The following BBOF1 variants were observed in gnomAD, a reference collection of about 807,000 sequenced individuals.
BBOF1 encodes basal body orientation factor 1.
In BBOF1, 62 loss-of-function variants were observed where a neutral mutation model predicts 68.0. That is an observed-to-expected ratio of 0.91 (90% CI 0.74 to 1.13). BBOF1 has a LOEUF of 1.13. Ranked by LOEUF, BBOF1 falls within the 50% of genes most tolerant of loss-of-function variation. The pLI is 0.00. For synonymous variants in BBOF1, 208 were observed against 198.8 expected (o/e 1.05, Z -0.39); for missense variants, 534 against 600.1 (o/e 0.89, Z 1.15).
downstream of BBOF1, chr14:74,068,891 G>A (rs1566831350): frequency 1.2e-6 from 2 of 1,614,004 alleles, no homozygotes; most frequent in Non-Finnish European, 1.7e-6. Context: ...GCCATGTCTT[G>A]ATCCTCTCTC....
intron 8 of BBOF1, among the ~76,000 whole-genome samples, chr14:74,051,863 C>T (rs1032866065): frequency 2.0e-5 from 3 of 151,588 alleles, no homozygotes; most frequent in Admixed American, 6.6e-5. Context: ...ATTACAGGCA[C>T]GAGCCACCAT....
intron 4 of BBOF1, among the ~76,000 whole-genome samples, 196 bp downstream of exon 4, chr14:74,034,367 G>A (rs2059648692): frequency 6.6e-6 from 1 of 152,158 alleles, no homozygotes; most frequent in African/African-American, 2.4e-5. Flanking sequence ...TCTAAGCATT[G>A]ATTTCCTTGG....
intron 5 of BBOF1, among the ~76,000 whole-genome samples, chr14:74,043,304 A>G (rs1488440358): frequency 2.0e-5 from 3 of 150,636 alleles, no homozygotes; most frequent in African/African-American, 7.3e-5. Context: ...TAATCCCAGC[A>G]CTTTGGGAGG....
At chr14:74,033,694 G>C (rs1016412282) in intron 3 of BBOF1, among the ~76,000 whole-genome samples, 3 of 152,126 alleles carry the variant, frequency 2.0e-5, no homozygotes, top group African/African-American at 7.2e-5. Context: ...GGCTAACATG[G>C]TGAAACACCG....
rs914079061 is a variant in BBOF1 at position 74,065,456 on chromosome 14, G to C, written c.*757G>C. On this transcript the variant is annotated 3_prime_UTR_variant, in exon 12 of 12. Transcript: ENST00000394009. ...CTTTCACTTACTACACATCATTTACGTGGACAACTTTCATATTACTAATCT... is the reference window on the plus strand; with the variant it reads ...CTTTCACTTACTACACATCATTTACCTGGACAACTTTCATATTACTAATCT... The C allele has an allele frequency of 3.6e-6, 4 of 1,117,804 alleles. No homozygotes were observed. The highest frequency in any genetic ancestry group is 1.3e-5 in the South Asian group (1 of 75,718). The allele number at this position is 1,117,804 out of a possible 1,614,324, so 69.2% of individuals were successfully genotyped here.
intron 3 of BBOF1, among the ~76,000 whole-genome samples, chr14:74,031,138 G>T (rs1445233386): frequency 6.7e-6 from 1 of 148,150 alleles, no homozygotes; most frequent in Non-Finnish European, 1.5e-5. Flanking sequence ...TTTTGAGACA[G>T]GGTCTCCCTC....
At chr14:74,025,090 C>A (rs2059395480) in intron 2 of BBOF1, among the ~76,000 whole-genome samples, 1 of 152,070 alleles carries the variant, frequency 6.6e-6, no homozygotes, top group Non-Finnish European at 1.5e-5. Context: ...TAAAATTACT[C>A]TTTTAATAGT....
intron 11 of BBOF1, among the ~76,000 whole-genome samples, chr14:74,064,310 A>T (rs1015669184): frequency 6.4e-5 from 9 of 140,246 alleles, no homozygotes; most frequent in Middle Eastern, 3.6e-3. Context: ...AAAAAAAAAA[A>T]ATAATAATAA....
intron 11 of BBOF1, chr14:74,060,708 A>G: frequency 6.2e-7 from 1 of 1,613,824 alleles, no homozygotes; most frequent in Non-Finnish European, 8.5e-7. Context: ...CTTTCCACTG[A>G]GAAGTAATGG....
Position 74,034,013 on chromosome 14 carries a change from C to CT in BBOF1, c.352-9dup, listed in dbSNP as rs780117998. The CT allele has an allele frequency of 3.2e-6, 5 of 1,576,984 alleles. No individual in the cohort carries two copies. The highest frequency in any genetic ancestry group is 4.3e-6 in the Non-Finnish European group (5 of 1,166,114). ...GTTCTTTTTCCTAACTCGTTTACCTCTTTTTTGAATACAGGAACAAAAGTA... is the reference window on the plus strand; with the variant it reads ...GTTCTTTTTCCTAACTCGTTTACCTCTTTTTTTGAATACAGGAACAAAAGTA... On this transcript the variant is annotated splice_polypyrimidine_tract_variant and intron_variant, in intron 3 of 11. Coordinates refer to ENST00000394009, the MANE Select transcript of BBOF1 (RefSeq NM_025057.3).
intron 10 of BBOF1, 31 bp downstream of exon 10, chr14:74,057,011 T>C: frequency 1.3e-6 from 2 of 1,593,016 alleles, no homozygotes; most frequent in South Asian, 1.1e-5. Flanking sequence ...GTAATAAACA[T>C]GAGCCCAACA....
intron 11 of BBOF1, chr14:74,060,583 G>T: frequency 2.5e-6 from 3 of 1,209,078 alleles, no homozygotes; most frequent in African/African-American, 1.5e-5. Flanking sequence ...GACAAATGAA[G>T]CTGGTCAAAA....
intron 8 of BBOF1, among the ~76,000 whole-genome samples, chr14:74,053,913 C>T (rs1222213267): frequency 6.6e-6 from 1 of 151,510 alleles, no homozygotes; most frequent in African/African-American, 2.4e-5. Context: ...TTCGCTCTGT[C>T]ACCCAGGCTG....
At chr14:74,080,105 T>G (rs932399693) in intron 10 of BBOF1, among the ~76,000 whole-genome samples, 6 of 152,170 alleles carry the variant, frequency 3.9e-5, no homozygotes, top group African/African-American at 1.4e-4. Flanking sequence ...CAGTTTGCTA[T>G]GCCTCCTATA....
chr14:74,028,778 G>T (rs1011298557), intron 2 of BBOF1, among the ~76,000 whole-genome samples: 1 of 151,200 alleles, frequency 6.6e-6, no homozygotes, highest in African/African-American at 2.4e-5. Flanking sequence ...ACGCCATCTC[G>T]GCTCACTGCA....
rs199899407 is a variant in BBOF1, at chr14:74,071,279, C to T, written n.1380-6917C>T. The T allele has an allele frequency of 1.5e-5, 24 of 1,614,034 alleles. No individual in the cohort carries two copies. The highest frequency in any genetic ancestry group is 1.9e-5 in the Non-Finnish European group (23 of 1,180,036). On this transcript the variant is annotated intron_variant and non_coding_transcript_variant, in intron 9 of 12. Coordinates refer to the BBOF1 transcript ENST00000492026. The stretch of plus-strand genomic sequence containing the variant: ...AACTTAGCAAGAAGCATAGTTGCTC[C>T]AGGGACTCGCTCAGATGGTTTCATT...
At position 74,065,813 on chromosome 14, in the gene BBOF1, C is replaced by T; in HGVS notation, c.*1114C>T. On this transcript the variant is annotated 3_prime_UTR_variant, in exon 12 of 12. Coordinates refer to ENST00000394009, the MANE Select transcript of BBOF1 (RefSeq NM_025057.3). ...AATCCATTCTTATTCACTCCTTTGC[C>T]TCCCAAATATGTCTGTATGTTTATA... 1 of 183,236 alleles carries T rather than the reference C, an allele frequency of 5.5e-6. No individual in the cohort carries two copies. The allele number at this position is 183,236 out of a possible 1,614,324, so 11.4% of individuals were successfully genotyped here. A position where few individuals can be genotyped will look rare whatever the true frequency, so the allele number is the denominator to read the frequency against.
intron 3 of BBOF1, among the ~76,000 whole-genome samples, chr14:74,031,634 CCTG>C (rs1315668351): frequency 6.6e-6 from 1 of 152,060 alleles, no homozygotes; most frequent in Non-Finnish European, 1.5e-5. Flanking sequence ...ATGGCCGCTT[CCTG>C]CTGGATCCTT....
chr14:74,028,769 C>T (rs991065939), intron 2 of BBOF1, among the ~76,000 whole-genome samples: 35 of 151,326 alleles, frequency 2.3e-4, no homozygotes, highest in Admixed American at 6.6e-4. Flanking sequence ...AGTGCAATGA[C>T]GCCATCTCGG....
Sources: gnomAD v4.1 joint callset for allele counts (sites outside exome capture counted in the v4.1 genomes callset) on GRCh38, gnomAD v4.1.1 for gene constraint, MANE v1.5 for transcripts, NCBI Gene and HGNC (gene_info 2026-07-23, HGNC 2026-07-21) for gene names.